SLC8B1: variants seen among roughly 807,000 people sequenced by gnomAD.
The protein encoded by SLC8B1 is solute carrier family 8 member B1.
A neutral mutation model predicts 63.4 loss-of-function variants in SLC8B1; 52 were observed. The observed-to-expected ratio is 0.82, with a 90% CI of 0.66 to 1.03. The LOEUF (loss-of-function observed/expected upper bound fraction) is 1.03, where lower values mean the gene tolerates loss of function less well. SLC8B1 is among the 50% of genes least tolerant of loss of function. The pLI, the probability that SLC8B1 is intolerant of heterozygous loss-of-function variation, is 0.00. For missense variants in SLC8B1, 657 were observed against 741.7 expected, an observed-to-expected ratio of 0.89 and a Z score of 1.33; for synonymous variants, 336 against 323.9, an observed-to-expected ratio of 1.04 and a Z score of -0.40.
Position 113,304,365 on chromosome 12 carries a change from G to A in SLC8B1, c.1513C>T (p.Leu505=). ...IIFNILVGVG[L]GCLLQISRSH... ...CGGGAGATCTGGAGCAGGCAGCCCA[G>A]CCCCACACCCACGAGGATGTCTGCA... The change falls in exon 15 of 16, where the codon CTG becomes TTG. Residue 505 remains leucine, a synonymous_variant. Transcript: ENST00000680972. 6.2e-7 allele frequency: 1 copy of A among 1,614,000 alleles called. No individual in the cohort carries two copies. Among genetic ancestry groups the A allele is most frequent in the East Asian group, 2.2e-5 (1 of 44,882 alleles).
chr12:113,328,987 G>A (rs1957027617), intron 2 of SLC8B1, among the ~76,000 whole-genome samples: 1 of 152,050 alleles, frequency 6.6e-6, no homozygotes. Flanking sequence ...CTGGCCTGAA[G>A]TGATCCACCT....
chr12:113,325,535 T>C (rs571435745), intron 2 of SLC8B1, among the ~76,000 whole-genome samples: 1 of 152,278 alleles, frequency 6.6e-6, no homozygotes, highest in African/African-American at 2.4e-5. Context: ...GTGCTGGGAT[T>C]ATAGGCGTGA....
chr12:113,303,385 C>T (rs780910729), intron 15 of SLC8B1, among the ~76,000 whole-genome samples: 48 of 152,234 alleles, frequency 3.2e-4, no homozygotes, highest in Admixed American at 4.6e-4. Flanking sequence ...CAGGCTCTGC[C>T]GAGAGCCTAT....
intron 12 of SLC8B1, among the ~76,000 whole-genome samples, chr12:113,309,670 G>A (rs1001398219): frequency 3.3e-5 from 5 of 152,148 alleles, no homozygotes; most frequent in African/African-American, 7.2e-5. Context: ...GTGGGAGGAT[G>A]GCTTCAGCCC....
chr12:113,312,369 G>A (rs1351051748), intron 11 of SLC8B1, among the ~76,000 whole-genome samples: 3 of 152,198 alleles, frequency 2.0e-5, no homozygotes, highest in African/African-American at 7.2e-5. Context: ...GGGAGGCAGC[G>A]AGTACAGTGG....
chr12:113,332,584 T>C lies in SLC8B1; in HGVS notation c.156+139A>G, dbSNP rs138490011. On this transcript the variant is annotated intron_variant, in intron 2 of 15. Coordinates refer to ENST00000680972, the MANE Select transcript of SLC8B1 (RefSeq NM_001358345.2). ...CAGGAGACTGTCAGCTTCTTGAGAG[T>C]AGTGAATTTTGTCTCTATTGTTCCC... 1,242 of 1,009,608 alleles carry C rather than the reference T, an allele frequency of 1.2e-3. 15 individuals carry two copies. The African/African-American group carries it at 0.019, about 15-fold the overall frequency. The allele number at this position is 1,009,608 out of a possible 1,614,324, so 62.5% of individuals were successfully genotyped here. A position where few individuals can be genotyped will look rare whatever the true frequency, so the allele number is the denominator to read the frequency against.
chr12:113,327,681 C>CAAA (rs1190508653), intron 2 of SLC8B1, among the ~76,000 whole-genome samples: 3 of 104,776 alleles, frequency 2.9e-5, no homozygotes, highest in Non-Finnish European at 4.0e-5. Context: ...GACTCTGTCT[C>CAAA]AAAAAAAAAA....
intron 10 of SLC8B1, among the ~76,000 whole-genome samples, chr12:113,316,055 T>C (rs895615092): frequency 2.0e-5 from 3 of 152,184 alleles, no homozygotes; most frequent in Admixed American, 2.0e-4. Context: ...AAACCCCGTC[T>C]CTACTAAAAA....
intron 11 of SLC8B1, among the ~76,000 whole-genome samples, 188 bp from the exon 12 acceptor site, chr12:113,310,543 C>G (rs1183120476): frequency 1.3e-5 from 2 of 152,182 alleles, no homozygotes; most frequent in Non-Finnish European, 2.9e-5. Flanking sequence ...AAAAGAGAGA[C>G]ACACAAAAAA....
chr12:113,328,342 T>C (rs1957020465), intron 2 of SLC8B1, among the ~76,000 whole-genome samples: 1 of 152,166 alleles, frequency 6.6e-6, no homozygotes, highest in African/African-American at 2.4e-5. Context: ...AATTTTTCTC[T>C]CTTAAACAAT....
chr12:113,320,352 C>A lies in SLC8B1; in HGVS notation c.673G>T (p.Val225Phe), dbSNP rs1956904150. The A allele has an allele frequency of 6.2e-7, 1 of 1,614,130 alleles. No homozygotes were observed. The highest frequency in any genetic ancestry group is 8.5e-7 in the Non-Finnish European group (1 of 1,180,006). The stretch of plus-strand genomic sequence containing the variant: ...TCACCCAGAGCCCATGCCAGGGTGA[C>A]CCTGCCACGGAAGAGCATGAGGAAG... ...LTFLMLFRGR[V>F]TLAWALGYLG... is the part of the protein sequence containing the mutation. The change falls in exon 7 of 16, where the codon GTC (valine) becomes TTC (phenylalanine). Residue 225 changes from valine (V) to phenylalanine (F), a missense_variant. Physicochemically the swap from Val to Phe is conservative, Grantham distance 50. Coordinates refer to ENST00000680972, the MANE Select transcript of SLC8B1 (RefSeq NM_001358345.2). This position sits in a 1 kb window ranked among gnomAD's most constrained non-coding sequence, Gnocchi z 5.3.
Position 113,307,629 on chromosome 12 carries a change from G to A in SLC8B1, c.1411+62C>T, listed in dbSNP as rs1282642735. ...TGCCCAGATGCGACTCTGGCTGGGGGAGGAAAGAGCTAAGATGTGGCCGCA... is the reference window on the plus strand; with the variant it reads ...TGCCCAGATGCGACTCTGGCTGGGGAAGGAAAGAGCTAAGATGTGGCCGCA... On this transcript the variant is annotated intron_variant, in intron 13 of 15. Transcript: ENST00000680972. The A allele has an allele frequency of 6.4e-6, 10 of 1,564,346 alleles. No homozygotes were observed. In the Admixed American group the frequency reaches 1.3e-4, roughly 20 times the overall value.
Position 113,320,080 on chromosome 12 carries a change from A to G in SLC8B1, c.694+251T>C, listed in dbSNP as rs1956899804. ...ATTGCTGGGATGATAGGTGTGAGCC[A>G]TCACGCTTGGCCAAAAAATTGTGAC... On this transcript the variant is annotated intron_variant, in intron 7 of 15. Coordinates refer to ENST00000680972, the MANE Select transcript of SLC8B1 (RefSeq NM_001358345.2). This position sits in a 1 kb window ranked among gnomAD's most constrained non-coding sequence, Gnocchi z 5.3. 4.1e-6 allele frequency: 2 copies of G among 485,744 alleles called. No homozygotes were observed. The highest frequency in any genetic ancestry group is 1.9e-5 in the African/African-American group (1 of 51,602). The allele number at this position is 485,744 out of a possible 1,614,324, so 30.1% of individuals were successfully genotyped here. A position where few individuals can be genotyped will look rare whatever the true frequency, so the allele number is the denominator to read the frequency against.
intron 2 of SLC8B1, among the ~76,000 whole-genome samples, chr12:113,324,685 G>A (rs1398527361): frequency 1.3e-5 from 2 of 151,618 alleles, no homozygotes; most frequent in Non-Finnish European, 2.9e-5. Context: ...AGGATTACAG[G>A]TGTGAGCCAC....
rs149039006 is a variant in SLC8B1 at position 113,306,508 on chromosome 12, G to A, written c.1479C>T (p.Gly493=). ...CACAAAGGATACTGAAGATGATGCC[G>A]CCAAAGCAGGCGGAGAACGCCATCC... The part of the protein sequence containing the change: ...YPRMAFSACF[G]GIIFNILVGV... Residue 493 remains glycine (G), a synonymous_variant, in exon 14 of 16, where the codon GGC becomes GGT. Transcript: ENST00000680972. The A allele has an allele frequency of 1.1e-4, 175 of 1,612,742 alleles. No individual in the cohort carries two copies. In the African/African-American group the frequency reaches 1.9e-3, roughly 17 times the overall value.
chr12:113,331,717 T>C (rs189103334), intron 2 of SLC8B1, among the ~76,000 whole-genome samples: 2 of 152,272 alleles, frequency 1.3e-5, no homozygotes, highest in African/African-American at 2.4e-5. Flanking sequence ...AGATGACCTA[T>C]TGCGGGACCT....
At chr12:113,311,172 C>T (rs1426844982) in intron 11 of SLC8B1, among the ~76,000 whole-genome samples, 1 of 152,074 alleles carries the variant, frequency 6.6e-6, no homozygotes, top group African/African-American at 2.4e-5. Flanking sequence ...AAAATTAGGC[C>T]GGGCACGGTG....
chr12:113,328,735 C>T (rs1957024812), intron 2 of SLC8B1, among the ~76,000 whole-genome samples: 1 of 151,656 alleles, frequency 6.6e-6, no homozygotes, highest in African/African-American at 2.4e-5. Flanking sequence ...CTAGCTGGCC[C>T]TCCCAGTTAC....
In SLC8B1 at chr12:113,334,615, CCT is replaced by C. The variant is rs1957104034; in HGVS notation, c.-257_-256del. The C allele has an allele frequency of 3.3e-5, 5 of 152,250 alleles. No individual in the cohort carries two copies. The highest frequency in any genetic ancestry group is 6.5e-5 in the Admixed American group (1 of 15,272). The allele number at this position is 152,250 out of a possible 1,614,324, so 9.4% of individuals were successfully genotyped here. A position where few individuals can be genotyped will look rare whatever the true frequency, so the allele number is the denominator to read the frequency against. On this transcript the variant is annotated 5_prime_UTR_variant, in exon 1 of 16. The change abolishes the stop of an existing upstream ORF in the 5' untranslated region. Coordinates refer to ENST00000680972, the MANE Select transcript of SLC8B1 (RefSeq NM_001358345.2). ...AAGGAAGTCACTTCACCTCTCTGGG[CCT>C]CTTATTCCTCATGTGTGAAATGGAC...
Sources: allele counts gnomAD v4.1 joint callset (sites outside exome capture counted in the v4.1 genomes callset), GRCh38; gene constraint gnomAD v4.1.1; non-coding constraint Gnocchi (gnomAD v3.1); transcripts MANE v1.5; gene names NCBI Gene and HGNC (gene_info 2026-07-23, HGNC 2026-07-21).